Variants in IQCJ observed in about 807,000 individuals in gnomAD.
IQCJ encodes the protein IQ motif containing J.
A neutral mutation model predicts 11.0 loss-of-function variants in IQCJ; 9 were observed. The observed-to-expected ratio is 0.82, with a 90% CI of 0.49 to 1.43. The LOEUF (loss-of-function observed/expected upper bound fraction) is 1.43. Ranked by LOEUF, IQCJ falls within the 40% of genes most tolerant of loss-of-function variation. The probability of loss-of-function intolerance (pLI) is 0.00; values close to 1 mark genes in which losing one functional copy is unlikely to be tolerated. For missense variants in IQCJ, 146 were observed against 133.2 expected (o/e 1.10, Z -0.47); for synonymous variants, 55 against 51.3 (o/e 1.07, Z -0.31).
At chr3:159,143,442 A>T (rs1436732123) in intron 1 of IQCJ, among the ~76,000 whole-genome samples, 1 of 152,026 alleles carries the variant, frequency 6.6e-6, no homozygotes, top group African/African-American at 2.4e-5. Flanking sequence ...TTAGTTCCTC[A>T]TCCCTTCGTT....
intron 1 of IQCJ, among the ~76,000 whole-genome samples, chr3:159,225,733 G>A (rs1020646637): frequency 1.3e-5 from 2 of 151,070 alleles, no homozygotes; most frequent in African/African-American, 2.4e-5. Flanking sequence ...TCACCAACTG[G>A]GTGCAGTCAA....
At position 159,262,793 on chromosome 3, in the gene IQCJ, G is replaced by A; in HGVS notation, c.*62G>A. ...ATGTGAGCAGGTGGTTTGTGACAGT[G>A]AAGATCTATGTAGCTTATTTGCTAC... On this transcript the variant is annotated 3_prime_UTR_variant, in exon 4 of 4. Coordinates refer to ENST00000397832, the MANE Select transcript of IQCJ (RefSeq NM_001042706.3). 6.4e-7 allele frequency: 1 copy of A among 1,564,324 alleles called. No homozygotes were observed. The highest frequency in any genetic ancestry group is 8.7e-7 in the Non-Finnish European group (1 of 1,152,048).
At chr3:159,257,568 G>A (rs560122111) in intron 3 of IQCJ, among the ~76,000 whole-genome samples, 5 of 152,202 alleles carry the variant, frequency 3.3e-5, no homozygotes, top group East Asian at 1.9e-4. Context: ...GGATACTGGA[G>A]TGGAGGGGAA....
intron 1 of IQCJ, among the ~76,000 whole-genome samples, chr3:159,193,422 G>A (rs906096842): frequency 1.3e-5 from 2 of 152,188 alleles, no homozygotes; most frequent in African/African-American, 4.8e-5. Context: ...CTTCTGGGAT[G>A]TTTGATATGT....
chr3:159,168,151 T>G (rs925294497), intron 1 of IQCJ, among the ~76,000 whole-genome samples: 1 of 152,160 alleles, frequency 6.6e-6, no homozygotes, highest in Admixed American at 6.5e-5. Context: ...TGTTTCAAAG[T>G]ACATCTGCAG....
intron 1 of IQCJ, among the ~76,000 whole-genome samples, chr3:159,095,048 A>C (rs1227706997): frequency 6.6e-6 from 1 of 151,888 alleles, no homozygotes; most frequent in Non-Finnish European, 1.5e-5. Flanking sequence ...TTCTTGGTGC[A>C]GCAAGGACAC....
intron 1 of IQCJ, among the ~76,000 whole-genome samples, chr3:159,225,410 G>T (rs537125447): frequency 6.6e-6 from 1 of 152,126 alleles, no homozygotes; most frequent in African/African-American, 2.4e-5. Flanking sequence ...TGGCTGTAAG[G>T]GGGGAGCAGA....
At chr3:159,258,119 C>A (rs1167547125) in intron 3 of IQCJ, among the ~76,000 whole-genome samples, 1 of 152,224 alleles carries the variant, frequency 6.6e-6, no homozygotes, top group East Asian at 1.9e-4. Context: ...TGTCTTTCTT[C>A]TTCTATAAAC....
chr3:159,262,841 T>G lies in IQCJ; in HGVS notation c.*110T>G. Reference sequence around the variant, plus strand: ...TACCCAGGAACCCATGGTGAGAGTTTTGTCACCTCAAAATAAAGACACAAT... The same window carrying G: ...TACCCAGGAACCCATGGTGAGAGTTGTGTCACCTCAAAATAAAGACACAAT... On this transcript the variant is annotated 3_prime_UTR_variant, in exon 4 of 4. Coordinates refer to ENST00000397832, the MANE Select transcript of IQCJ (RefSeq NM_001042706.3). 6.9e-7 allele frequency: 1 copy of G among 1,441,130 alleles called. No individual in the cohort carries two copies. Among genetic ancestry groups the G allele is most frequent in the Non-Finnish European group, 9.2e-7 (1 of 1,091,082 alleles). 89.3% of individuals were successfully genotyped at this position (1,441,130 alleles called of 1,614,324 possible).
chr3:159,232,087 G>A (rs973269411), intron 1 of IQCJ, among the ~76,000 whole-genome samples: 2 of 152,044 alleles, frequency 1.3e-5, no homozygotes, highest in Non-Finnish European at 1.5e-5. Flanking sequence ...ACCAGCTCCT[G>A]GAGTCATTGA....
In IQCJ at chr3:159,124,656, C is replaced by T. The variant is rs1367731841; in HGVS notation, c.9+55215C>T. On this transcript the variant is annotated intron_variant, in intron 1 of 3. Coordinates refer to ENST00000397832, the MANE Select transcript of IQCJ (RefSeq NM_001042706.3). ...GCATGATTATCTCTTTAATATTTCT[C>T]TCTTCTTATAGACCTTACTGTGTTC... Among the ~76,000 whole-genome samples, 4 of 152,146 alleles carry T rather than the reference C, an allele frequency of 2.6e-5. No homozygotes were observed. The South Asian group carries it at 8.3e-4, about 31-fold the overall frequency.
chr3:159,109,459 CA>C (rs1718475571), intron 1 of IQCJ, among the ~76,000 whole-genome samples: 1 of 132,630 alleles, frequency 7.5e-6, no homozygotes, highest in Admixed American at 8.5e-5. Flanking sequence ...TTTAAAAAAA[CA>C]GCAAACAAAA....
chr3:159,250,235 A>G (rs749525709), intron 2 of IQCJ, among the ~76,000 whole-genome samples: 4 of 152,180 alleles, frequency 2.6e-5, no homozygotes, highest in African/African-American at 7.2e-5. Flanking sequence ...TTTGGTGAGG[A>G]TATATAAATA....
intron 1 of IQCJ, among the ~76,000 whole-genome samples, chr3:159,226,301 G>T (rs1327867735): frequency 6.6e-6 from 1 of 152,172 alleles, no homozygotes; most frequent in Non-Finnish European, 1.5e-5. Flanking sequence ...ATGAAGCTAT[G>T]TAGGGGCCCA....
chr3:159,128,319 G>A (rs187529463), intron 1 of IQCJ, among the ~76,000 whole-genome samples: 8 of 152,264 alleles, frequency 5.3e-5, no homozygotes, highest in Non-Finnish European at 7.4e-5. Flanking sequence ...GTCTATATAT[G>A]AGCCAGAGGA....
chr3:159,244,509 C>T (rs1243396157), intron 1 of IQCJ, among the ~76,000 whole-genome samples: 2 of 152,192 alleles, frequency 1.3e-5, no homozygotes, highest in African/African-American at 4.8e-5. Context: ...TATACTAGAC[C>T]TCTTTTCTGA....
chr3:159,129,171 G>A (rs543925824), intron 1 of IQCJ, among the ~76,000 whole-genome samples: 13 of 152,194 alleles, frequency 8.5e-5, no homozygotes, highest in African/African-American at 1.9e-4. Context: ...TTTCCATCTC[G>A]TAGATAAGGA....
intron 1 of IQCJ, among the ~76,000 whole-genome samples, chr3:159,157,555 A>G (rs1721596030): frequency 6.6e-6 from 1 of 152,190 alleles, no homozygotes; most frequent in African/African-American, 2.4e-5. Flanking sequence ...TTTTTAAAAA[A>G]TGTTTTGAAT....
intron 1 of IQCJ, among the ~76,000 whole-genome samples, chr3:159,202,041 G>C (rs1418533353): frequency 6.6e-6 from 1 of 152,090 alleles, no homozygotes; most frequent in Non-Finnish European, 1.5e-5. Context: ...ATGTGAACTT[G>C]GGCAACTCAT....
Sources: gnomAD v4.1 joint callset for allele counts (sites outside exome capture counted in the v4.1 genomes callset) on GRCh38, gnomAD v4.1.1 for gene constraint, MANE v1.5 for transcripts, NCBI Gene and HGNC (gene_info 2026-07-23, HGNC 2026-07-21) for gene names.